PITPNC1: variants seen among roughly 807,000 people sequenced by gnomAD.
The protein encoded by PITPNC1 is phosphatidylinositol transfer protein cytoplasmic 1, also known as cytoplasmic phosphatidylinositol transfer protein 1.
PITPNC1 carries 18 observed loss-of-function variants against 44.7 expected under a neutral mutation model. The ratio of observed to expected loss-of-function variants is 0.40; its 90% confidence interval spans 0.28 to 0.60. The LOEUF is 0.60. Ranked by LOEUF, PITPNC1 falls within the 20% of genes least tolerant of loss-of-function variation. The pLI, the probability that PITPNC1 is intolerant of heterozygous loss-of-function variation, is 0.39. For synonymous variants in PITPNC1, 141 were observed against 149.6 expected, an observed-to-expected ratio of 0.94 and a Z score of 0.42; for missense variants, 290 against 418.4, an observed-to-expected ratio of 0.69 and a Z score of 2.68.
intron 4 of PITPNC1, among the ~76,000 whole-genome samples, chr17:67,557,492 C>A (rs973339129): frequency 2.6e-5 from 4 of 152,184 alleles, no homozygotes; most frequent in African/African-American, 7.2e-5. Context: ...AGATTTAATT[C>A]TCTGTGAGGA....
At chr17:67,380,845 T>C (rs2037947512) in intron 1 of PITPNC1, among the ~76,000 whole-genome samples, 1 of 151,940 alleles carries the variant, frequency 6.6e-6, no homozygotes, top group South Asian at 2.1e-4. Flanking sequence ...GTGATCCTAG[T>C]TCACTGCAGC....
chr17:67,689,683 C>T (rs1266776203), intron 8 of PITPNC1, among the ~76,000 whole-genome samples: 1 of 152,164 alleles, frequency 6.6e-6, no homozygotes, highest in African/African-American at 2.4e-5. Context: ...CCTTCAAGGA[C>T]GGGAACTTCT....
Position 67,627,168 on chromosome 17 carries a change from G to A in PITPNC1, c.367-4975G>A, listed in dbSNP as rs140624300. Among the ~76,000 whole-genome samples the A allele has an allele frequency of 6.2e-3, 944 of 152,238 alleles. 4 individuals carry two copies. Among genetic ancestry groups the A allele is most frequent in the African/African-American group, 0.02 (836 of 41,536 alleles). On this transcript the variant is annotated intron_variant, in intron 5 of 8. Coordinates refer to ENST00000581322, the MANE Select transcript of PITPNC1 (RefSeq NM_012417.4). ...CTCAGGGGGCTGAGGCAGGAGAATC[G>A]CTTGAACCCAGGTGGCAGAGGTTGC...
chr17:67,489,013 T>A (rs1451059541), intron 1 of PITPNC1, among the ~76,000 whole-genome samples: 2 of 152,250 alleles, frequency 1.3e-5, no homozygotes, highest in African/African-American at 2.4e-5. Flanking sequence ...GGACATGGGT[T>A]GTTTCCACCT....
intron 1 of PITPNC1, among the ~76,000 whole-genome samples, chr17:67,414,152 C>T (rs1307949165): frequency 6.6e-6 from 1 of 151,118 alleles, no homozygotes; most frequent in Non-Finnish European, 1.5e-5. Context: ...ACCCTCAACC[C>T]AGCCTTATCA....
rs921390576 is a variant in PITPNC1, at chr17:67,597,645, A to G, written c.366+19388A>G. Among the ~76,000 whole-genome samples, 4 of 152,256 alleles carry G rather than the reference A, an allele frequency of 2.6e-5. No individual in the cohort carries two copies. Among genetic ancestry groups the G allele is most frequent in the African/African-American group, 9.6e-5 (4 of 41,464 alleles). On this transcript the variant is annotated intron_variant, in intron 5 of 8. Transcript: ENST00000581322. This position sits in a 1 kb window ranked among gnomAD's most constrained non-coding sequence, Gnocchi z 4.0. ...GGAAATTTGAGAAGTCCTTTATTTT[A>G]CATTTAAAAGATAGGATGCTTTTAA... is the stretch of plus-strand genomic sequence containing the variant.
intron 8 of PITPNC1, among the ~76,000 whole-genome samples, chr17:67,680,603 A>G (rs1447240589): frequency 3.5e-5 from 5 of 144,148 alleles, no homozygotes; most frequent in African/African-American, 1.3e-4. Context: ...TCTGTCTCAA[A>G]AAAAAAAAAA....
intron 7 of PITPNC1, among the ~76,000 whole-genome samples, chr17:67,673,033 T>TTTGAG (rs1205747542): frequency 3.3e-5 from 5 of 152,202 alleles, no homozygotes; most frequent in African/African-American, 1.2e-4. Context: ...GTTCTTTTGA[T>TTTGAG]TTCCATGAAT....
At chr17:67,532,175 G>A (rs985068820) in intron 1 of PITPNC1, among the ~76,000 whole-genome samples, 12 of 152,200 alleles carry the variant, frequency 7.9e-5, no homozygotes, top group African/African-American at 2.9e-4. Flanking sequence ...GTGGTCCTCG[G>A]AGAGGAGCGG....
intron 2 of PITPNC1, among the ~76,000 whole-genome samples, chr17:67,533,812 T>C (rs1369334726): frequency 1.3e-5 from 2 of 152,330 alleles, no homozygotes; most frequent in Admixed American, 1.3e-4. Context: ...GATGACAAAA[T>C]AGCACTAGTC....
intron 2 of PITPNC1, among the ~76,000 whole-genome samples, chr17:67,550,891 C>G (rs1360262327): frequency 6.6e-6 from 1 of 152,090 alleles, no homozygotes; most frequent in Admixed American, 6.6e-5. Flanking sequence ...GAAACCCCGT[C>G]TCTACTAAAA....
intron 1 of PITPNC1, among the ~76,000 whole-genome samples, chr17:67,435,607 A>G (rs1274971794): frequency 1.3e-5 from 2 of 152,196 alleles, no homozygotes; most frequent in Non-Finnish European, 1.5e-5. Flanking sequence ...TAATCTCAGC[A>G]CTTTGGTAGG....
intron 6 of PITPNC1, chr17:67,638,747 T>C (rs1288761749): frequency 6.6e-6 from 1 of 152,132 alleles, no homozygotes; most frequent in East Asian, 1.9e-4. Context: ...TCTGGAGACA[T>C]TTTTGATTGA....
At chr17:67,431,743 G>C (rs1378993980) in intron 1 of PITPNC1, among the ~76,000 whole-genome samples, 1 of 152,168 alleles carries the variant, frequency 6.6e-6, no homozygotes, top group African/African-American at 2.4e-5. Context: ...ACAGAGGCAT[G>C]CATAGTTCAC....
chr17:67,634,561 A>C (rs2042009975), intron 6 of PITPNC1, among the ~76,000 whole-genome samples: 2 of 152,096 alleles, frequency 1.3e-5, no homozygotes, highest in Admixed American at 1.3e-4. Flanking sequence ...AGCCAAAGAG[A>C]TGCTTAGGGT....
chr17:67,683,176 A>AG (rs1228475016), intron 8 of PITPNC1, among the ~76,000 whole-genome samples: 1 of 151,480 alleles, frequency 6.6e-6, no homozygotes, highest in South Asian at 2.1e-4. Flanking sequence ...AAAAAAAAAA[A>AG]AAAAAAAAAA....
chr17:67,584,124 A>G (rs2041278461), intron 5 of PITPNC1, among the ~76,000 whole-genome samples: 1 of 152,116 alleles, frequency 6.6e-6, no homozygotes, highest in Non-Finnish European at 1.5e-5. Flanking sequence ...AGTAAGTGCT[A>G]TTTAAAACCA....
At chr17:67,495,040 G>GGTTTTTTTTTTTTTTTTTT (rs2039926593) in intron 1 of PITPNC1, among the ~76,000 whole-genome samples, 1 of 64,704 alleles carries the variant, frequency 1.5e-5, no homozygotes, top group Non-Finnish European at 2.7e-5. Context: ...CCATGGAGTT[G>GGTTTTTTTTTTTTTTTTTT]TTTTTTTTTT....
At chr17:67,587,416 C>T (rs1337517775) in intron 5 of PITPNC1, among the ~76,000 whole-genome samples, 1 of 152,106 alleles carries the variant, frequency 6.6e-6, no homozygotes, top group Non-Finnish European at 1.5e-5. Context: ...ATCGCTTGAG[C>T]CCAGGCAGTC....
Sources: allele counts gnomAD v4.1 joint callset (sites outside exome capture counted in the v4.1 genomes callset), GRCh38; gene constraint gnomAD v4.1.1; non-coding constraint Gnocchi (gnomAD v3.1); transcripts MANE v1.5; gene names NCBI Gene and HGNC (gene_info 2026-07-23, HGNC 2026-07-21).